Variants in FSTL4 observed in about 807,000 individuals in gnomAD.
FSTL4 encodes follistatin-related protein 4.
A neutral mutation model predicts 78.2 loss-of-function variants in FSTL4; 28 were observed. The ratio of observed to expected loss-of-function variants is 0.36; its 90% confidence interval spans 0.27 to 0.49. The LOEUF (loss-of-function observed/expected upper bound fraction) is 0.49. Among genes scored for constraint, FSTL4 ranks in the 20% least tolerant of loss-of-function variants. FSTL4 has a pLI of 0.98. For synonymous variants in FSTL4, 422 were observed against 440.5 expected, an observed-to-expected ratio of 0.96 and a Z score of 0.53; for missense variants, 922 against 1,084.9, an observed-to-expected ratio of 0.85 and a Z score of 2.11.
upstream of FSTL4, among the ~76,000 whole-genome samples, chr5:133,613,324 C>T (rs1236737727): frequency 1.3e-5 from 2 of 152,210 alleles, no homozygotes; most frequent in Non-Finnish European, 2.9e-5. Context: ...GGAGCCCCTA[C>T]CCAGGCCAGG....
chr5:133,658,912 A>T, the FSTL4 span, among the ~76,000 whole-genome samples: 1 of 152,110 alleles, frequency 6.6e-6, no homozygotes, highest in African/African-American at 2.4e-5. Context: ...GAGTATTTTT[A>T]AAATTTCCAG....
At chr5:133,354,720 T>C (rs908446745) in intron 4 of FSTL4, among the ~76,000 whole-genome samples, 9 of 152,246 alleles carry the variant, frequency 5.9e-5, no homozygotes, top group Non-Finnish European at 1.2e-4. Flanking sequence ...ACCAGTCCTC[T>C]AGCTGATGGC....
At chr5:133,689,465 A>G in the FSTL4 span, among the ~76,000 whole-genome samples, 1 of 152,204 alleles carries the variant, frequency 6.6e-6, no homozygotes, top group East Asian at 1.9e-4. Flanking sequence ...TTTTCCCACA[A>G]TAGCCTCAAT....
chr5:133,287,375 G>A (rs866172605), intron 6 of FSTL4, among the ~76,000 whole-genome samples: 284 of 144,914 alleles, frequency 2.0e-3, no homozygotes, highest in African/African-American at 7.3e-3. Flanking sequence ...GTGACAGAGC[G>A]AGACTCCATC....
At chr5:133,204,803 T>G (rs1013179746) in intron 14 of FSTL4, among the ~76,000 whole-genome samples, 2 of 144,598 alleles carry the variant, frequency 1.4e-5, no homozygotes, top group Non-Finnish European at 3.0e-5. Context: ...GCCACTGCAC[T>G]CCAGCCTGGG....
At chr5:133,690,593 C>G in the FSTL4 span, among the ~76,000 whole-genome samples, 4 of 152,314 alleles carry the variant, frequency 2.6e-5, no homozygotes, top group South Asian at 8.3e-4. Flanking sequence ...TAGGGACTAT[C>G]AAGCATCTGG....
chr5:133,811,728 G>C, the FSTL4 span, among the ~76,000 whole-genome samples: 3 of 152,206 alleles, frequency 2.0e-5, no homozygotes, highest in Admixed American at 2.0e-4. Context: ...TAAAGCCTCA[G>C]GTTTCCAGAA....
intron 3 of FSTL4, among the ~76,000 whole-genome samples, chr5:133,439,131 T>C (rs1313471795): frequency 6.6e-6 from 1 of 152,136 alleles, no homozygotes; most frequent in Non-Finnish European, 1.5e-5. Context: ...CTGTAGGGAT[T>C]TTCTCCCAGC....
At chr5:133,287,102 A>T (rs1302178137) in intron 6 of FSTL4, among the ~76,000 whole-genome samples, 2 of 152,164 alleles carry the variant, frequency 1.3e-5, no homozygotes, top group Non-Finnish European at 2.9e-5. Context: ...AAAGCTTTGT[A>T]GGTTGGCCGG....
chr5:133,626,467 T>A, the FSTL4 span, among the ~76,000 whole-genome samples: 1 of 148,554 alleles, frequency 6.7e-6, no homozygotes, highest in Non-Finnish European at 1.5e-5. Flanking sequence ...TCTCCCAAAG[T>A]ACTTGGATTA....
At chr5:133,247,535 G>C (rs901109300) in intron 7 of FSTL4, 6 of 152,212 alleles carry the variant, frequency 3.9e-5, no homozygotes, top group African/African-American at 1.4e-4. Context: ...AGCTGGCACT[G>C]CACCTTGTGA....
rs542885080 is a variant in FSTL4 at position 133,284,777 on chromosome 5, C to T, written c.727+27877G>A. Among the ~76,000 whole-genome samples, 3 of 152,322 alleles carry T rather than the reference C, an allele frequency of 2.0e-5. No homozygotes were observed. In the South Asian group the frequency reaches 6.2e-4, roughly 32 times the overall value. ...AAACTGTCTCAAGTTGGAGAGGATG[C>T]TCGGTGTCAGATGCTGGAGGATATC... On this transcript the variant is annotated intron_variant, in intron 6 of 15. Coordinates refer to ENST00000265342, the MANE Select transcript of FSTL4 (RefSeq NM_015082.2).
the FSTL4 span, among the ~76,000 whole-genome samples, chr5:133,687,444 G>T: frequency 6.6e-6 from 1 of 152,086 alleles, no homozygotes; most frequent in Non-Finnish European, 1.5e-5. Flanking sequence ...TTTCAATCCC[G>T]CAAGAGGTGA....
At chr5:133,321,220 T>G (rs1022572957) in intron 4 of FSTL4, among the ~76,000 whole-genome samples, 1 of 152,132 alleles carries the variant, frequency 6.6e-6, no homozygotes, top group African/African-American at 2.4e-5. Context: ...GGCCTGGCAT[T>G]GACTATCCCC....
intron 6 of FSTL4, among the ~76,000 whole-genome samples, chr5:133,268,775 T>C (rs1021228506): frequency 2.0e-5 from 3 of 152,204 alleles, no homozygotes; most frequent in African/African-American, 7.2e-5. Flanking sequence ...TGTGCAAAGA[T>C]ATCTGTGACC....
intron 3 of FSTL4, among the ~76,000 whole-genome samples, chr5:133,438,950 C>T (rs1465031843): frequency 6.6e-6 from 1 of 152,196 alleles, no homozygotes; most frequent in African/African-American, 2.4e-5. Context: ...CCTCACGCGC[C>T]TTTGATTCCT....
chr5:133,591,128 C>CA (rs1478136686), intron 2 of FSTL4, among the ~76,000 whole-genome samples: 1 of 152,162 alleles, frequency 6.6e-6, no homozygotes. Context: ...TAGTGACTGG[C>CA]AAAATGCAAG....
the FSTL4 span, among the ~76,000 whole-genome samples, chr5:133,671,220 AG>A: frequency 2.0e-5 from 3 of 152,182 alleles, no homozygotes; most frequent in African/African-American, 7.2e-5. Flanking sequence ...GGAATGAGAC[AG>A]CCCCACCAAG....
At chr5:133,734,840 A>T in the FSTL4 span, among the ~76,000 whole-genome samples, 29 of 151,606 alleles carry the variant, frequency 1.9e-4, no homozygotes, top group Non-Finnish European at 3.8e-4. Context: ...TCAGATCTCC[A>T]CTCTCTGCCT....
Sources: allele counts gnomAD v4.1 joint callset (sites outside exome capture counted in the v4.1 genomes callset), GRCh38; gene constraint gnomAD v4.1.1; transcripts MANE v1.5; gene names NCBI Gene and HGNC (gene_info 2026-07-23, HGNC 2026-07-21).